TMEM165: variants seen among roughly 807,000 people sequenced by gnomAD.
TMEM165 encodes the protein transmembrane protein 165.
Under a neutral mutation model 30.0 loss-of-function variants are expected in TMEM165, and 19 were observed. The ratio of observed to expected loss-of-function variants is 0.63; its 90% confidence interval spans 0.44 to 0.93. The LOEUF is 0.93. Ranked by LOEUF, TMEM165 falls within the 40% of genes least tolerant of loss-of-function variation. TMEM165 has a pLI of 0.00. For missense variants in TMEM165, 340 were observed against 417.0 expected (o/e 0.82, Z 1.61); for synonymous variants, 168 against 162.9 (o/e 1.03, Z -0.24).
chr4:55,427,441 C>T (rs533589023), downstream of TMEM165, among the ~76,000 whole-genome samples: 2 of 152,104 alleles, frequency 1.3e-5, no homozygotes, highest in South Asian at 4.2e-4. Context: ...CTCCTGAGTT[C>T]AAGCAGTTCT....
chr4:55,403,827 CTG>C (rs1721151893), intron 1 of TMEM165, among the ~76,000 whole-genome samples: 1 of 152,168 alleles, frequency 6.6e-6, no homozygotes, highest in South Asian at 2.1e-4. Context: ...TTGGACAAAA[CTG>C]TCATCCTTTG....
chr4:55,417,140 G>A lies in TMEM165; in HGVS notation c.502G>A (p.Ala168Thr). Reference sequence around the variant, plus strand: ...ATACTATGTTTCAACTGTATTATTTGCCATTTTTGGCATTAGAATGCTTCG... The same window carrying A: ...ATACTATGTTTCAACTGTATTATTTACCATTTTTGGCATTAGAATGCTTCG... ...YTYYVSTVLF[A>T]IFGIRMLREG... Residue 168 changes from alanine (A) to threonine (T), a missense_variant, in exon 3 of 6, where the codon GCC (alanine) becomes ACC (threonine). By Grantham distance (58) the Ala-to-Thr change is moderately conservative. This residue lies in a region of TMEM165 where 220 missense variants were observed against 307.6 expected (regional missense o/e 0.72). Coordinates refer to ENST00000381334, the MANE Select transcript of TMEM165 (RefSeq NM_018475.5). The A allele has an allele frequency of 6.2e-7, 1 of 1,613,924 alleles. No homozygotes were observed. Among genetic ancestry groups the A allele is most frequent in the Non-Finnish European group, 8.5e-7 (1 of 1,179,972 alleles).
At chr4:55,436,034 G>A (rs1722851934) in intron 3 of TMEM165, among the ~76,000 whole-genome samples, 1 of 152,142 alleles carries the variant, frequency 6.6e-6, no homozygotes, top group Admixed American at 6.5e-5. Context: ...CCAGGAGCGT[G>A]GTGGGCCCTG....
In TMEM165 at chr4:55,425,644, A is replaced by T; in HGVS notation, c.*192A>T. 1 of 507,306 alleles carries T rather than the reference A, an allele frequency of 2.0e-6. No homozygotes were observed. Among genetic ancestry groups the T allele is most frequent in the Non-Finnish European group, 3.4e-6 (1 of 290,228 alleles). The allele number at this position is 507,306 out of a possible 1,614,324, so 31.4% of individuals were successfully genotyped here. On this transcript the variant is annotated 3_prime_UTR_variant, in exon 6 of 6. Transcript: ENST00000381334. ...AACAAGGAGTTTTAAAAGAAACCTG[A>T]CTTCTAAGTGTGGGTTTTTCTTCTC...
chr4:55,401,837 C>A (rs1437377066), intron 1 of TMEM165, among the ~76,000 whole-genome samples: 1 of 150,026 alleles, frequency 6.7e-6, no homozygotes, highest in East Asian at 1.9e-4. Context: ...TCAATGAAGG[C>A]CGGGCGCAGT....
chr4:55,448,649 T>TGGG (rs1160712053), intron 3 of TMEM165: 2 of 521,562 alleles, frequency 3.8e-6, no homozygotes, highest in Non-Finnish European at 7.3e-6. Flanking sequence ...TGTGTGCTCC[T>TGGG]ACCTCAGCCT....
chr4:55,434,341 A>C (rs2109614812), intron 3 of TMEM165: 1 of 152,770 alleles, frequency 6.5e-6, no homozygotes, highest in Non-Finnish European at 1.5e-5. Flanking sequence ...GAATGTTAAA[A>C]AGTGCCTAAG....
chr4:55,444,888 A>T (rs1223973286), intron 3 of TMEM165: 129 of 1,145,012 alleles, frequency 1.1e-4, no homozygotes, highest in Middle Eastern at 2.3e-4. Context: ...GTGAAGGATG[A>T]TAACATCCTT....
At chr4:55,407,897 A>C (rs1721334497) in intron 1 of TMEM165, among the ~76,000 whole-genome samples, 1 of 152,200 alleles carries the variant, frequency 6.6e-6, no homozygotes, top group African/African-American at 2.4e-5. Flanking sequence ...TTTGAGACAT[A>C]GGTAGCCCTT....
At chr4:55,438,154 A>C in intron 3 of TMEM165, 12 of 1,204,242 alleles carry the variant, frequency 1.0e-5, no homozygotes, top group South Asian at 1.4e-5. Flanking sequence ...CTATCTTTGT[A>C]GAGATTTAAA....
chr4:55,434,592 G>GA (rs10529257), intron 3 of TMEM165: 60,683 of 150,374 alleles, frequency 0.4, 13,216 homozygotes, highest in East Asian at 0.58. Context: ...AATTTAACCT[G>GA]AAAAAAAAAA....
intron 1 of TMEM165, among the ~76,000 whole-genome samples, chr4:55,398,729 A>G (rs76570603): frequency 0.025 from 3,781 of 152,262 alleles, 153 homozygotes; most frequent in African/African-American, 0.086. Flanking sequence ...TGGCTTACTC[A>G]TCTGTCTATT....
chr4:55,396,158 G>A lies in TMEM165; in HGVS notation c.-32G>A, dbSNP rs1720710606. ...TCCCGTCGCCGGCACTTCCTCTTGCGGCGCCCGTGCGCGGCCGGCCCGGCA... is the reference window on the plus strand; with the variant it reads ...TCCCGTCGCCGGCACTTCCTCTTGCAGCGCCCGTGCGCGGCCGGCCCGGCA... On this transcript the variant is annotated 5_prime_UTR_variant, in exon 1 of 6. Transcript: ENST00000381334. 1 of 1,336,372 alleles carries A rather than the reference G, an allele frequency of 7.5e-7. No homozygotes were observed. The highest frequency in any genetic ancestry group is 3.2e-5 in the East Asian group (1 of 31,564). 82.8% of individuals were successfully genotyped at this position (1,336,372 alleles called of 1,614,324 possible). A position where few individuals can be genotyped will look rare whatever the true frequency, so the allele number is the denominator to read the frequency against.
In TMEM165 at chr4:55,396,352, C is replaced by G. The variant is rs995046403; in HGVS notation, c.163C>G (p.Pro55Ala). ...EPPAPAQQLQPQPVAVQGPEP... is the reference protein window; with the variant it reads ...EPPAPAQQLQAQPVAVQGPEP... ...GCCGGCGCCGGCCCAGCAGCTGCAG[C>G]CGCAGCCTGTGGCTGTGCAGGGCCC... The change falls in exon 1 of 6, where the codon CCG becomes GCG. Residue 55 changes from proline (P) to alanine (A), a missense_variant. Around this residue, in one of 2 missense-constraint regions of TMEM165, gnomAD observed 120 missense variants for 109.4 expected, o/e 1.10. Transcript: ENST00000381334. 4.0e-6 allele frequency: 6 copies of G among 1,512,108 alleles called. No homozygotes were observed. In the South Asian group the frequency reaches 7.4e-5, roughly 19 times the overall value. The allele number at this position is 1,512,108 out of a possible 1,614,324, so 93.7% of individuals were successfully genotyped here.
At chr4:55,434,618 ACAT>A (rs1376364363) in intron 3 of TMEM165, 3 of 152,550 alleles carry the variant, frequency 2.0e-5, no homozygotes, top group African/African-American at 7.2e-5. Context: ...TCCCAGCAGC[ACAT>A]CATACCTCAC....
chr4:55,404,915 A>G (rs1373863143), intron 1 of TMEM165, among the ~76,000 whole-genome samples: 1 of 152,216 alleles, frequency 6.6e-6, no homozygotes, highest in East Asian at 1.9e-4. Context: ...AACAGCTCCT[A>G]AGTTTTTTTG....
intron 1 of TMEM165, chr4:55,399,068 T>C (rs896040533): frequency 1.3e-5 from 2 of 152,206 alleles, no homozygotes; most frequent in South Asian, 4.2e-4. Flanking sequence ...TATAGTTAAT[T>C]CCGGGACTCT....
In TMEM165 at chr4:55,401,981, G is replaced by C. The variant is rs994873830; in HGVS notation, c.207+5585G>C. The stretch of plus-strand genomic sequence containing the variant: ...AAAATACAAAAAATTAGCTGGGCGT[G>C]GTGGCACACACCTGTAATCCCAGCT... On this transcript the variant is annotated intron_variant, in intron 1 of 5. Coordinates refer to ENST00000381334, the MANE Select transcript of TMEM165 (RefSeq NM_018475.5). 5.4e-5 allele frequency among the ~76,000 whole-genome samples: 8 copies of C among 149,198 alleles called. 1 individual carries two copies. Among genetic ancestry groups the C allele is most frequent in the Non-Finnish European group, 8.8e-5 (6 of 67,946 alleles).
chr4:55,415,889 CTG>C (rs1721700017), intron 2 of TMEM165: 1 of 151,186 alleles, frequency 6.6e-6, no homozygotes, highest in South Asian at 2.1e-4. Context: ...GGATCTCACT[CTG>C]TTGCCCAAGC....
Sources: allele counts gnomAD v4.1 joint callset (sites outside exome capture counted in the v4.1 genomes callset), GRCh38; gene constraint gnomAD v4.1.1; regional missense constraint gnomAD v4.1.1; transcripts MANE v1.5; gene names NCBI Gene and HGNC (gene_info 2026-07-23, HGNC 2026-07-21).